DNAH11: variants seen among roughly 807,000 people sequenced by gnomAD.
DNAH11 encodes the protein axonemal beta dynein heavy chain 11.
Under a neutral mutation model 526.0 loss-of-function variants are expected in DNAH11, and 442 were observed. That is an observed-to-expected ratio of 0.84 (90% CI 0.78 to 0.91). The LOEUF (loss-of-function observed/expected upper bound fraction) is 0.91, where lower values mean the gene tolerates loss of function less well. Among genes scored for constraint, DNAH11 ranks in the 40% least tolerant of loss-of-function variants. The pLI is 0.00. For synonymous variants in DNAH11, 2,461 were observed against 1,935.9 expected (o/e 1.27, Z -7.12); for missense variants, 6,989 against 5,448.7 (o/e 1.28, Z -8.90).
intron 74 of DNAH11, among the ~76,000 whole-genome samples, chr7:21,876,522 A>G (rs541462275): frequency 6.6e-6 from 1 of 152,230 alleles, no homozygotes; most frequent in South Asian, 2.1e-4. Flanking sequence ...GCTACTTTTG[A>G]AAAAAGTTCT....
In DNAH11 at chr7:21,738,964, G is replaced by A. The variant is rs1785746274; in HGVS notation, c.7811+98G>A. 8 of 1,124,152 alleles carry A rather than the reference G, an allele frequency of 7.1e-6. No individual in the cohort carries two copies. In the South Asian group the frequency reaches 1.5e-4, roughly 21 times the overall value. The allele number at this position is 1,124,152 out of a possible 1,614,324, so 69.6% of individuals were successfully genotyped here. ...ATAATTATTATGAATAATTATTATG[G>A]ATGAATTATTATGGATGAATTCAAG... On this transcript the variant is annotated intron_variant, in intron 47 of 81. Transcript: ENST00000409508.
At chr7:21,612,331 A>G (rs549208532) in intron 20 of DNAH11, among the ~76,000 whole-genome samples, 8 of 152,098 alleles carry the variant, frequency 5.3e-5, no homozygotes, top group South Asian at 4.2e-4. Context: ...CGAGGTGGGC[A>G]GATCACAAGG....
chr7:21,654,218 C>T (rs1199538683), intron 28 of DNAH11, among the ~76,000 whole-genome samples: 1 of 152,292 alleles, frequency 6.6e-6, no homozygotes, highest in Admixed American at 6.5e-5. Flanking sequence ...ACCCCCTATC[C>T]ATTAAGCAGT....
chr7:21,750,432 G>T, intron 54 of DNAH11, 68 bp downstream of exon 54: 4 of 1,525,622 alleles, frequency 2.6e-6, no homozygotes, highest in Non-Finnish European at 3.5e-6. Flanking sequence ...GTTCTATTCT[G>T]AGTTTTTTAT....
At chr7:21,687,589 C>T (rs1783435516) in intron 34 of DNAH11, 62 bp downstream of exon 34, 2 of 1,545,760 alleles carry the variant, frequency 1.3e-6, no homozygotes, top group African/African-American at 1.4e-5. Flanking sequence ...TGCAGGTAAC[C>T]TCCCCTTCAC....
intron 35 of DNAH11, among the ~76,000 whole-genome samples, chr7:21,697,702 A>T (rs2128476989): frequency 6.6e-6 from 1 of 152,326 alleles, no homozygotes; most frequent in Non-Finnish European, 1.5e-5. Flanking sequence ...TTTTCTAGAC[A>T]GCCGGTTGTG....
At position 21,655,855 on chromosome 7, in the gene DNAH11, T is replaced by G; in HGVS notation, c.4968T>G (p.Leu1656=). Residue 1656 remains leucine (L), a synonymous_variant, in exon 29 of 82, where the codon CTT becomes CTG. Coordinates refer to ENST00000409508, the MANE Select transcript of DNAH11 (RefSeq NM_001277115.2). The part of the protein sequence containing the change: ...PKQVTCHLAK[L]FDSIADLQFE... ...AGGTAACATGTCACCTTGCCAAACT[T>G]TTCGACAGCATTGCAGATCTGCAGT... The G allele has an allele frequency of 6.2e-7, 1 of 1,613,186 alleles. No individual in the cohort carries two copies.
Position 21,834,072 on chromosome 7 carries a change from A to G in DNAH11, c.10692-8472A>G, listed in dbSNP as rs184344243. The stretch of plus-strand genomic sequence containing the variant: ...TATATTCTTCTCATCAGCAAATGCA[A>G]TTTTCTCCAGGATAGGACATATGTT... On this transcript the variant is annotated intron_variant, in intron 65 of 81. Coordinates refer to ENST00000409508, the MANE Select transcript of DNAH11 (RefSeq NM_001277115.2). 2.7e-3 allele frequency among the ~76,000 whole-genome samples: 410 copies of G among 152,326 alleles called. 2 individuals are homozygous for G. The highest frequency in any genetic ancestry group is 6.6e-3 in the African/African-American group (275 of 41,568).
intron 9 of DNAH11, among the ~76,000 whole-genome samples, chr7:21,584,812 C>T (rs1448023488): frequency 1.3e-5 from 2 of 152,106 alleles, no homozygotes; most frequent in Non-Finnish European, 2.9e-5. Flanking sequence ...CTACTGTAAT[C>T]TTCTTCACTT....
At chr7:21,765,279 G>T in intron 54 of DNAH11, 149 bp from the exon 55 acceptor site, 1 of 1,085,952 alleles carries the variant, frequency 9.2e-7, no homozygotes. Context: ...TTAGCAAGGA[G>T]GTTAATGTTG....
At chr7:21,726,965 G>A (rs1323996362) in intron 45 of DNAH11, among the ~76,000 whole-genome samples, 3 of 57,642 alleles carry the variant, frequency 5.2e-5, no homozygotes, top group Admixed American at 2.8e-4. Context: ...ATGGAGTCTC[G>A]CTCTGTCGCC....
At chr7:21,619,384 T>A (rs1394943950) in intron 24 of DNAH11, among the ~76,000 whole-genome samples, 162 bp downstream of exon 24, 3 of 152,296 alleles carry the variant, frequency 2.0e-5, no homozygotes, top group Admixed American at 6.5e-5. Context: ...GGAACTAGAA[T>A]CATTCTAAGC....
At chr7:21,745,418 C>T (rs929399088) in intron 51 of DNAH11, among the ~76,000 whole-genome samples, 3 of 152,194 alleles carry the variant, frequency 2.0e-5, no homozygotes, top group Non-Finnish European at 2.9e-5. Context: ...GCCAGCCTTT[C>T]AGCAATTTTG....
At position 21,842,548 on chromosome 7, in the gene DNAH11, A is replaced by G. The variant is rs761312236; in HGVS notation, c.10696A>G (p.Ile3566Val). The change falls in exon 66 of 82, where the codon ATC becomes GTC. Residue 3566 changes from isoleucine to valine, a missense_variant. Ile to Val is a conservative substitution (Grantham distance 29, BLOSUM62 3). Coordinates refer to ENST00000409508, the MANE Select transcript of DNAH11 (RefSeq NM_001277115.2). ...TCTGTGTTTTGCTCCGTTTAGGTAT[A>G]TCAGGATTGGAGATAAAGAATGTGA... Reference protein sequence around the residue: ...GRNTIKKGKYIRIGDKECEFN... With the variant: ...GRNTIKKGKYVRIGDKECEFN... 3.1e-6 allele frequency: 5 copies of G among 1,613,602 alleles called. No homozygotes were observed. In the African/African-American group the frequency reaches 4.0e-5, roughly 13 times the overall value.
rs72657381 is a variant in DNAH11 at position 21,784,619 on chromosome 7, A to G, written c.9597+79A>G. The G allele has an allele frequency of 0.051, 52,190 of 1,024,840 alleles. 1,496 individuals carry two copies. The highest frequency in any genetic ancestry group is 0.058 in the Non-Finnish European group (42,481 of 726,870). 63.5% of individuals were successfully genotyped at this position (1,024,840 alleles called of 1,614,324 possible). On this transcript the variant is annotated intron_variant, in intron 58 of 81. Transcript: ENST00000409508. ...TTAGAGTTTGAATAACTGAGCTGAG[A>G]GAGTAGCCCATTACAGCCAAAAAGT... is the stretch of plus-strand genomic sequence containing the variant.
rs374198643 is a variant in DNAH11 at position 21,600,054 on chromosome 7, A to C, written c.2935A>C (p.Asn979His). 2 of 1,608,938 alleles carry C rather than the reference A, an allele frequency of 1.2e-6. No homozygotes were observed. Among genetic ancestry groups the C allele is most frequent in the African/African-American group, 2.7e-5 (2 of 74,876 alleles). Residue 979 changes from asparagine (N) to histidine (H), a missense_variant, in exon 15 of 82, where the codon AAT becomes CAT. Physicochemically the swap from Asn to His is moderately conservative, Grantham distance 68 (BLOSUM62 1). Coordinates refer to ENST00000409508, the MANE Select transcript of DNAH11 (RefSeq NM_001277115.2). ...TGATCTTGTAGAAGAAATGTTATGC[A>C]ATAGTTTTAGAATGTCTGCCCAGAT... ...FYDLVEEMLC[N>H]SFRMSAQMNR...
At chr7:21,811,849 G>A (rs1198344684) in intron 63 of DNAH11, among the ~76,000 whole-genome samples, 2 of 152,194 alleles carry the variant, frequency 1.3e-5, no homozygotes, top group Non-Finnish European at 2.9e-5. Flanking sequence ...TAATCAAAGA[G>A]TTGGGTACAG....
chr7:21,852,426 A>G (rs748523738), intron 66 of DNAH11, 41 bp from the exon 67 acceptor site: 11 of 1,461,062 alleles, frequency 7.5e-6, no homozygotes, highest in South Asian at 1.3e-5. Flanking sequence ...AAAAAAAAGT[A>G]CTTAACCACC....
chr7:21,808,367 T>C (rs1789365200), intron 63 of DNAH11, among the ~76,000 whole-genome samples: 1 of 152,194 alleles, frequency 6.6e-6, no homozygotes, highest in South Asian at 2.1e-4. Flanking sequence ...ACCTGAAACA[T>C]TTATTTTTTC....
Sources: gnomAD v4.1 joint callset for allele counts (sites outside exome capture counted in the v4.1 genomes callset) on GRCh38, gnomAD v4.1.1 for gene constraint, MANE v1.5 for transcripts, NCBI Gene and HGNC (gene_info 2026-07-23, HGNC 2026-07-21) for gene names.